The following MBD5 variants were observed in gnomAD, a reference collection of about 807,000 sequenced individuals.
MBD5 encodes the protein methyl-CpG-binding domain protein 5.
In MBD5, 13 loss-of-function variants were observed where a neutral mutation model predicts 117.3. That is an observed-to-expected ratio of 0.11 (90% CI 0.07 to 0.18). MBD5 has a LOEUF of 0.18. Among genes scored for constraint, MBD5 ranks in the 10% least tolerant of loss-of-function variants. The pLI, the probability that MBD5 is intolerant of heterozygous loss-of-function variation, is 1.00. For synonymous variants in MBD5, 727 were observed against 766.4 expected (o/e 0.95, Z 0.85); for missense variants, 1,879 against 2,093.8 (o/e 0.90, Z 2.00).
chr2:148,079,587 G>A (rs78938661), intron 1 of MBD5, among the ~76,000 whole-genome samples: 2,146 of 151,226 alleles, frequency 0.014, 23 homozygotes, highest in Non-Finnish European at 0.022. Context: ...GGCCTAGTGC[G>A]GTGGCTCACA....
At chr2:148,275,810 A>C (rs1434482801) in intron 3 of MBD5, among the ~76,000 whole-genome samples, 2 of 151,894 alleles carry the variant, frequency 1.3e-5, no homozygotes, top group Non-Finnish European at 2.9e-5. Context: ...TCTTAATATG[A>C]GTTCTAGGAG....
At chr2:148,268,894 CTATTTTTATTTACT>C (rs1436602268) in intron 3 of MBD5, among the ~76,000 whole-genome samples, 1 of 151,892 alleles carries the variant, frequency 6.6e-6, no homozygotes, top group Non-Finnish European at 1.5e-5. Flanking sequence ...GTGGGGATTT[CTATTTTTATTTACT>C]TATTTTTATT....
Position 148,470,473 on chromosome 2 carries a change from T to C in MBD5, c.2518+12T>C. 1.3e-6 allele frequency: 2 copies of C among 1,576,426 alleles called. No individual in the cohort carries two copies. Among genetic ancestry groups the C allele is most frequent in the Non-Finnish European group, 1.7e-6 (2 of 1,164,262 alleles). On this transcript the variant is annotated intron_variant, in intron 8 of 13. Coordinates refer to ENST00000642680, the MANE Select transcript of MBD5 (RefSeq NM_001378120.1). ...AAGTTCTGAAGCAGGTATGGTTTTA[T>C]TAGAAAAAAGTACCCAAAGGTACTA...
chr2:148,071,872 T>G (rs1177322779), intron 1 of MBD5: 1 of 152,180 alleles, frequency 6.6e-6, no homozygotes, highest in Non-Finnish European at 1.5e-5. Context: ...AGAATAAGAA[T>G]GCTCTAGGTT....
rs560934334 is a variant in MBD5, at chr2:148,483,477, C to G, written c.2886C>G (p.Asn962Lys). 5 of 1,613,990 alleles carry G rather than the reference C, an allele frequency of 3.1e-6. No homozygotes were observed. In the South Asian group the frequency reaches 5.5e-5, roughly 18 times the overall value. Reference protein sequence around the residue: ...EINLHPLGFLNPNVNAALAFL... With the variant: ...EINLHPLGFLKPNVNAALAFL... Reference sequence around the variant, plus strand: ...ACCTCCACCCTTTAGGTTTTCTCAACCCGAATGTAAACGCTGCTTTAGCTT... The same window carrying G: ...ACCTCCACCCTTTAGGTTTTCTCAAGCCGAATGTAAACGCTGCTTTAGCTT... The change falls in exon 9 of 14, where the codon AAC becomes AAG. Residue 962 changes from asparagine (N) to lysine (K), a missense_variant. Physicochemically the swap from Asn to Lys is moderately conservative, Grantham distance 94. Coordinates refer to ENST00000642680, the MANE Select transcript of MBD5 (RefSeq NM_001378120.1).
In MBD5 at chr2:148,152,841, G is replaced by A. The variant is rs1421830341; in HGVS notation, c.-924-25859G>A. Among the ~76,000 whole-genome samples, 11 of 151,844 alleles carry A rather than the reference G, an allele frequency of 7.2e-5. No individual in the cohort carries two copies. In the East Asian group the frequency reaches 7.8e-4, roughly 11 times the overall value. ...TTTGAGCATATGTGTGTCTCTGCACGTGAGATGGGTTTACTGAATACAGCA... is the reference window on the plus strand; with the variant it reads ...TTTGAGCATATGTGTGTCTCTGCACATGAGATGGGTTTACTGAATACAGCA... On this transcript the variant is annotated intron_variant, in intron 1 of 13. Coordinates refer to ENST00000642680, the MANE Select transcript of MBD5 (RefSeq NM_001378120.1).
intron 1 of MBD5, among the ~76,000 whole-genome samples, chr2:148,169,162 T>G (rs1335711724): frequency 6.6e-6 from 1 of 152,086 alleles, no homozygotes; most frequent in Non-Finnish European, 1.5e-5. Context: ...AAATTTTGTT[T>G]TAGTGACTGT....
chr2:148,422,913 A>C (rs1317276242), intron 4 of MBD5, among the ~76,000 whole-genome samples: 1 of 152,216 alleles, frequency 6.6e-6, no homozygotes, highest in African/African-American at 2.4e-5. Context: ...CAAAGCCTCC[A>C]AGAAACATGG....
chr2:148,182,878 T>G (rs1190481388), intron 2 of MBD5, among the ~76,000 whole-genome samples: 1 of 152,156 alleles, frequency 6.6e-6, no homozygotes, highest in African/African-American at 2.4e-5. Flanking sequence ...AACTGAGCCA[T>G]GTAATGGGCA....
chr2:148,181,572 T>C (rs1349470699), intron 2 of MBD5, among the ~76,000 whole-genome samples: 4 of 152,350 alleles, frequency 2.6e-5, no homozygotes, highest in Middle Eastern at 6.8e-3. Flanking sequence ...GATCATTGTT[T>C]TGAGTTTTTT....
intron 4 of MBD5, among the ~76,000 whole-genome samples, chr2:148,384,977 G>A (rs1451513648): frequency 1.3e-5 from 2 of 152,166 alleles, no homozygotes; most frequent in South Asian, 2.1e-4. Flanking sequence ...TGGATTAAAG[G>A]CTTACATGTT....
At chr2:148,253,815 G>C (rs1207888623) in intron 3 of MBD5, among the ~76,000 whole-genome samples, 3 of 152,142 alleles carry the variant, frequency 2.0e-5, no homozygotes, top group Non-Finnish European at 2.9e-5. Flanking sequence ...AGACAATAGT[G>C]GCTCCAAGCC....
intron 12 of MBD5, among the ~76,000 whole-genome samples, chr2:148,504,233 A>C (rs571591508): frequency 6.6e-6 from 1 of 152,256 alleles, no homozygotes; most frequent in South Asian, 2.1e-4. Flanking sequence ...AGTAGAAAAT[A>C]CAAAACTAAC....
chr2:148,265,638 A>T (rs1477499597), intron 3 of MBD5, among the ~76,000 whole-genome samples: 1 of 152,196 alleles, frequency 6.6e-6, no homozygotes, highest in Non-Finnish European at 1.5e-5. Context: ...AACACATTTT[A>T]AAGGCTTTCA....
At chr2:148,103,679 C>T (rs1363865293) in intron 1 of MBD5, among the ~76,000 whole-genome samples, 1 of 152,086 alleles carries the variant, frequency 6.6e-6, no homozygotes, top group Non-Finnish European at 1.5e-5. Context: ...TTTTTTCATA[C>T]AGTTTCTAGC....
chr2:148,067,633 G>GTT (rs1240086178), intron 1 of MBD5, among the ~76,000 whole-genome samples: 2 of 152,140 alleles, frequency 1.3e-5, no homozygotes, highest in Admixed American at 6.5e-5. Flanking sequence ...GAAATAAGAT[G>GTT]TTGTTCAGAG....
At chr2:148,152,180 C>T (rs1372088973) in intron 1 of MBD5, among the ~76,000 whole-genome samples, 1 of 152,116 alleles carries the variant, frequency 6.6e-6, no homozygotes, top group East Asian at 1.9e-4. Flanking sequence ...TTTATTTCTG[C>T]CTTCATCTCG....
At chr2:148,240,051 T>A (rs1700180062) in intron 3 of MBD5, among the ~76,000 whole-genome samples, 2 of 152,006 alleles carry the variant, frequency 1.3e-5, no homozygotes, top group African/African-American at 4.8e-5. Context: ...ATTAAGAAAA[T>A]GTGGCACATA....
At chr2:148,275,440 TG>T (rs1701085256) in intron 3 of MBD5, among the ~76,000 whole-genome samples, 1 of 152,090 alleles carries the variant, frequency 6.6e-6, no homozygotes, top group African/African-American at 2.4e-5. Context: ...CACGGGAGTG[TG>T]GGGTGGGCAA....
Sources: allele counts gnomAD v4.1 joint callset (sites outside exome capture counted in the v4.1 genomes callset), GRCh38; gene constraint gnomAD v4.1.1; transcripts MANE v1.5; gene names NCBI Gene and HGNC (gene_info 2026-07-23, HGNC 2026-07-21).